LYST: variants seen among roughly 807,000 people sequenced by gnomAD.
LYST encodes the protein lysosomal-trafficking regulator.
In LYST, 192 loss-of-function variants were observed where a neutral mutation model predicts 413.6. The observed-to-expected ratio is 0.46, with a 90% confidence interval of 0.41 to 0.52. The LOEUF is 0.52. Ranked by LOEUF, LYST falls within the 20% of genes least tolerant of loss-of-function variation. The pLI is 0.00. For synonymous variants in LYST, 1,525 were observed against 1,567.3 expected (o/e 0.97, Z 0.64); for missense variants, 3,815 against 4,499.9 (o/e 0.85, Z 4.35).
In LYST at chr1:235,762,775, C is replaced by G. The variant is rs1232510122; in HGVS notation, c.6198G>C (p.Met2066Ile). ...GGCTTATTACCATAAATCCAGGGCTCATAAGGGACCTTCCTCCACTGCTGG... is the reference window on the plus strand; with the variant it reads ...GGCTTATTACCATAAATCCAGGGCTGATAAGGGACCTTCCTCCACTGCTGG... ...RHSSSGGRSLMSPGFMVISPS... is the reference protein window; with the variant it reads ...RHSSSGGRSLISPGFMVISPS... Residue 2066 changes from methionine (M) to isoleucine (I), a missense_variant, in exon 22 of 53, where the codon ATG becomes ATC. Met to Ile is a conservative substitution (Grantham distance 10). Around this residue, in one of 4 missense-constraint regions of LYST, gnomAD observed 530 missense variants for 696.5 expected, o/e 0.76. Transcript: ENST00000389793. 1 of 1,612,990 alleles carries G rather than the reference C, an allele frequency of 6.2e-7. No homozygotes were observed. The highest frequency in any genetic ancestry group is 8.5e-7 in the Non-Finnish European group (1 of 1,179,202).
At chr1:235,694,155 G>A (rs7522809) in intron 46 of LYST, among the ~76,000 whole-genome samples, 7,561 of 151,762 alleles carry the variant, frequency 0.05, 648 homozygotes, top group African/African-American at 0.17. Context: ...GACTACAGGC[G>A]CTCGCCACCA....
Position 235,712,254 on chromosome 1 carries a change from C to T in LYST, c.9785-57G>A, listed in dbSNP as rs554073540. The T allele has an allele frequency of 7.2e-6, 9 of 1,255,154 alleles. No homozygotes were observed. The East Asian group carries it at 7.6e-5, about 11-fold the overall frequency. 77.8% of individuals were successfully genotyped at this position (1,255,154 alleles called of 1,614,324 possible). Reference sequence around the variant, plus strand: ...CACAAAGACCTAATTCTATTTGAGGCCTATCATAATTAATTTACTTTTGCC... The same window carrying T: ...CACAAAGACCTAATTCTATTTGAGGTCTATCATAATTAATTTACTTTTGCC... On this transcript the variant is annotated intron_variant, in intron 42 of 52. Transcript: ENST00000389793.
chr1:235,761,351 A>AGGACAGTAG (rs1257605896), intron 22 of LYST, among the ~76,000 whole-genome samples: 1 of 152,206 alleles, frequency 6.6e-6, no homozygotes, highest in Non-Finnish European at 1.5e-5. Flanking sequence ...AGTATGGAAA[A>AGGACAGTAG]GGACAGTAGT....
chr1:235,864,417 G>A (rs963504492), intron 1 of LYST, among the ~76,000 whole-genome samples: 3 of 151,902 alleles, frequency 2.0e-5, no homozygotes, highest in African/African-American at 7.3e-5. Flanking sequence ...TACTTGTTCG[G>A]AACTAAATTT....
chr1:235,780,404 T>C (rs993048068), intron 16 of LYST, among the ~76,000 whole-genome samples: 1 of 150,842 alleles, frequency 6.6e-6, no homozygotes, highest in African/African-American at 2.4e-5. Flanking sequence ...ATCCTGTCTC[T>C]TAAAAAAAAA....
chr1:235,706,951 T>C (rs1457162773), intron 44 of LYST, among the ~76,000 whole-genome samples: 1 of 152,252 alleles, frequency 6.6e-6, no homozygotes, highest in East Asian at 1.9e-4. Context: ...AGTGGTCTAC[T>C]GTAGGTTCTG....
intron 2 of LYST, among the ~76,000 whole-genome samples, chr1:235,832,742 C>A (rs1159296615): frequency 6.6e-6 from 1 of 152,030 alleles, no homozygotes; most frequent in Non-Finnish European, 1.5e-5. Flanking sequence ...ACAATTAACA[C>A]CCTTATACTA....
At position 235,787,371 on chromosome 1, in the gene LYST, A is replaced by G; in HGVS notation, c.4691T>C (p.Val1564Ala). ...CATGTCATCATTTGAATCCATGCAC[A>G]CACTACAGAAAAAGAGAAAAGGCAT... ...DPHNATLIFR[V>A]CMDSNDDMKA... Residue 1564 changes from valine to alanine, a missense_variant and splice_region_variant, in exon 14 of 53, where the codon GTG (valine) becomes GCG (alanine). By Grantham distance (64) the Val-to-Ala change is moderately conservative. Transcript: ENST00000389793. 1 of 1,613,474 alleles carries G rather than the reference A, an allele frequency of 6.2e-7. No homozygotes were observed. Among genetic ancestry groups the G allele is most frequent in the Non-Finnish European group, 8.5e-7 (1 of 1,179,540 alleles).
chr1:235,670,628 A>G (rs1444329727), intron 50 of LYST, among the ~76,000 whole-genome samples: 1 of 152,206 alleles, frequency 6.6e-6, no homozygotes, highest in African/African-American at 2.4e-5. Flanking sequence ...ATGGTGACCA[A>G]GTAATTCTGT....
chr1:235,705,165 A>G (rs1457927864), intron 44 of LYST, among the ~76,000 whole-genome samples: 3 of 152,346 alleles, frequency 2.0e-5, no homozygotes, highest in Admixed American at 6.5e-5. Flanking sequence ...TCACACAACA[A>G]GTGGCAGAGT....
At chr1:235,715,397 G>A (rs746748206) in intron 41 of LYST, 40 bp from the exon 42 acceptor site, 2 of 1,601,668 alleles carry the variant, frequency 1.2e-6, no homozygotes, top group South Asian at 2.2e-5. Flanking sequence ...ATGATTGTGG[G>A]CTCCAGGCAA....
At chr1:235,717,503 G>A (rs1442620956) in intron 40 of LYST, among the ~76,000 whole-genome samples, 2 of 152,062 alleles carry the variant, frequency 1.3e-5, no homozygotes, top group Non-Finnish European at 2.9e-5. Flanking sequence ...AGAATCATGT[G>A]GTGTCCCTGT....
intron 31 of LYST, chr1:235,737,966 C>A: frequency 1.5e-6 from 2 of 1,358,000 alleles, no homozygotes; most frequent in East Asian, 2.7e-5. Context: ...CGTGCATTCT[C>A]GATTCCTTTT....
chr1:235,774,826 A>G (rs749767171), intron 18 of LYST, 87 bp downstream of exon 18: 37 of 879,298 alleles, frequency 4.2e-5, no homozygotes, highest in Non-Finnish European at 6.6e-5. Flanking sequence ...GAATAACTGA[A>G]ATACAAAACT....
chr1:235,717,942 C>A (rs1389434289), intron 40 of LYST, among the ~76,000 whole-genome samples: 1 of 151,790 alleles, frequency 6.6e-6, no homozygotes, highest in East Asian at 1.9e-4. Flanking sequence ...CAGCTCACTG[C>A]AACCTCTGCC....
intron 44 of LYST, among the ~76,000 whole-genome samples, chr1:235,708,376 C>T (rs574475323): frequency 6.6e-6 from 1 of 152,060 alleles, no homozygotes; most frequent in African/African-American, 2.4e-5. Flanking sequence ...GGATAGTGTG[C>T]GGAAAAGAGT....
intron 43 of LYST, among the ~76,000 whole-genome samples, chr1:235,711,793 T>C (rs1431726328): frequency 6.6e-6 from 1 of 152,114 alleles, no homozygotes; most frequent in Admixed American, 6.5e-5. Flanking sequence ...AATAAAGCAA[T>C]TTCTATAATA....
chr1:235,842,956 G>A (rs1421439662), intron 1 of LYST, among the ~76,000 whole-genome samples: 1 of 151,924 alleles, frequency 6.6e-6, no homozygotes, highest in Non-Finnish European at 1.5e-5. Context: ...TACTACACCC[G>A]CCCCTCACAG....
intron 22 of LYST, among the ~76,000 whole-genome samples, chr1:235,761,103 A>T (rs12069355): frequency 0.041 from 6,218 of 152,106 alleles, 424 homozygotes; most frequent in African/African-American, 0.14. Context: ...TTTAAAAAAA[A>T]TTTTTTTTAA....
Sources: gnomAD v4.1 joint callset for allele counts (sites outside exome capture counted in the v4.1 genomes callset) on GRCh38, gnomAD v4.1.1 for gene constraint, gnomAD v4.1.1 regional missense constraint, MANE v1.5 for transcripts, NCBI Gene and HGNC (gene_info 2026-07-23, HGNC 2026-07-21) for gene names.